The following CRTAC1 variants were observed in gnomAD, a reference collection of about 807,000 sequenced individuals.
The protein encoded by CRTAC1 is cartilage acidic protein 1.
Under a neutral mutation model 67.8 loss-of-function variants are expected in CRTAC1, and 37 were observed. The ratio of observed to expected loss-of-function variants is 0.55; its 90% CI spans 0.42 to 0.72. The LOEUF (loss-of-function observed/expected upper bound fraction) is 0.72, where lower values mean the gene tolerates loss of function less well. CRTAC1 is among the 30% of genes least tolerant of loss of function. The pLI, the probability that CRTAC1 is intolerant of heterozygous loss-of-function variation, is 0.00. For synonymous variants in CRTAC1, 348 were observed against 371.0 expected (o/e 0.94, Z 0.71); for missense variants, 780 against 931.6 (o/e 0.84, Z 2.12).
intron 2 of CRTAC1, among the ~76,000 whole-genome samples, chr10:97,947,778 G>A (rs2051287286): frequency 6.6e-6 from 1 of 152,176 alleles, no homozygotes; most frequent in Non-Finnish European, 1.5e-5. Context: ...TCTGGGTCAG[G>A]TATGGTGGCT....
intron 2 of CRTAC1, among the ~76,000 whole-genome samples, chr10:97,948,072 T>C (rs2051292788): frequency 1.4e-5 from 2 of 146,166 alleles, no homozygotes. Flanking sequence ...TGCAGAATAA[T>C]GGCAATTGGA....
intron 2 of CRTAC1, among the ~76,000 whole-genome samples, chr10:97,946,491 C>T (rs969570709): frequency 6.6e-6 from 1 of 152,150 alleles, no homozygotes; most frequent in Non-Finnish European, 1.5e-5. Flanking sequence ...TAAAAAACCC[C>T]AGAAAAGAGC....
At chr10:97,880,189 A>G (rs2050193209) in intron 14 of CRTAC1, 60 bp downstream of exon 14, 2 of 1,582,932 alleles carry the variant, frequency 1.3e-6, no homozygotes, top group South Asian at 2.2e-5. Context: ...GCCTACCCAG[A>G]GCTCCCCAGT....
At position 98,021,987 on chromosome 10, in the gene CRTAC1, G is replaced by C. The variant is rs555809664; in HGVS notation, c.24+8462C>G. ...ACGTTAGAAATGATGAAAAAGACGT[G>C]GTCCCTGACCTCAAGGAGCTTACAA... On this transcript the variant is annotated intron_variant, in intron 1 of 14. Transcript: ENST00000370597. Among the ~76,000 whole-genome samples, 21 of 152,262 alleles carry C rather than the reference G, an allele frequency of 1.4e-4. No individual in the cohort carries two copies. The East Asian group carries it at 3.3e-3, about 24-fold the overall frequency.
chr10:97,884,335 G>C lies in CRTAC1; in HGVS notation c.1503C>G (p.Ser501Arg). 6.4e-7 allele frequency: 1 copy of C among 1,551,658 alleles called. No homozygotes were observed. Among genetic ancestry groups the C allele is most frequent in the South Asian group, 1.2e-5 (1 of 84,056 alleles). The stretch of plus-strand genomic sequence containing the variant: ...CATCTGGCCACGTCACCTCCACACT[G>C]CTGGCTTCATCCTTCCCTGAGGGGC... ...AHFGLGKDEA[S>R]SVEVTWPDGK... Residue 501 changes from serine (S) to arginine (R), a missense_variant, in exon 12 of 15, where the codon AGC (serine) becomes AGG (arginine). Coordinates refer to ENST00000370597, the MANE Select transcript of CRTAC1 (RefSeq NM_018058.7).
In CRTAC1 at chr10:98,029,535, C is replaced by T. The variant is rs1471221805; in HGVS notation, c.24+914G>A. Among the ~76,000 whole-genome samples, 3 of 151,450 alleles carry T rather than the reference C, an allele frequency of 2.0e-5. No individual in the cohort carries two copies. Among genetic ancestry groups the T allele is most frequent in the Non-Finnish European group, 4.4e-5 (3 of 67,930 alleles). The stretch of plus-strand genomic sequence containing the variant: ...GCGGCGGCGGCGGCGGCGGCAGCAG[C>T]AGCAATATTCATTAGTCATTCCTGG... On this transcript the variant is annotated intron_variant, in intron 1 of 14. Coordinates refer to ENST00000370597, the MANE Select transcript of CRTAC1 (RefSeq NM_018058.7). The surrounding 1 kb of genome is among the most constrained non-coding windows in gnomAD (Gnocchi z 4.7).
At chr10:97,886,649 C>CAT (rs72108975) in intron 11 of CRTAC1, among the ~76,000 whole-genome samples, 2 of 141,880 alleles carry the variant, frequency 1.4e-5, no homozygotes, top group African/African-American at 5.2e-5. Flanking sequence ...TTTCTTTTTT[C>CAT]TTTTTTTTTT....
chr10:97,942,336 A>T (rs917364855), intron 2 of CRTAC1, among the ~76,000 whole-genome samples: 9 of 152,194 alleles, frequency 5.9e-5, no homozygotes, highest in African/African-American at 1.7e-4. Context: ...AGGTACAAAG[A>T]GCTGAACAAA....
intron 2 of CRTAC1, among the ~76,000 whole-genome samples, chr10:97,937,079 T>C (rs955674013): frequency 1.3e-5 from 2 of 152,200 alleles, no homozygotes; most frequent in African/African-American, 4.8e-5. Flanking sequence ...CTAAAGTTAT[T>C]AGACAGACCT....
At chr10:98,011,080 G>T in intron 2 of CRTAC1, 58 bp downstream of exon 2, 1 of 1,472,660 alleles carries the variant, frequency 6.8e-7, no homozygotes, top group Non-Finnish European at 9.5e-7. Context: ...TTGTTACACA[G>T]CCTTATTACA....
chr10:97,923,202 G>A, intron 4 of CRTAC1, 62 bp downstream of exon 4: 1 of 1,602,360 alleles, frequency 6.2e-7, no homozygotes, highest in Non-Finnish European at 8.5e-7. Context: ...CGTCTACACA[G>A]TGGCTCCTCT....
At chr10:98,020,145 C>G (rs1241879627) in intron 1 of CRTAC1, among the ~76,000 whole-genome samples, 1 of 152,204 alleles carries the variant, frequency 6.6e-6, no homozygotes, top group Non-Finnish European at 1.5e-5. Context: ...TCTCTCCTCT[C>G]CCCTCCTCCC....
chr10:97,995,288 C>T (rs1480923178), intron 2 of CRTAC1, among the ~76,000 whole-genome samples: 1 of 152,032 alleles, frequency 6.6e-6, no homozygotes, highest in Non-Finnish European at 1.5e-5. Flanking sequence ...ATGCTTCTCT[C>T]CCCCAACATA....
At chr10:97,881,708 G>T (rs961240750) in intron 13 of CRTAC1, among the ~76,000 whole-genome samples, 1 of 152,124 alleles carries the variant, frequency 6.6e-6, no homozygotes, top group Admixed American at 6.5e-5. Flanking sequence ...AGTGGGGCTG[G>T]GTGGGCATGT....
chr10:97,878,562 C>G, intron 14 of CRTAC1: 1 of 1,265,420 alleles, frequency 7.9e-7, no homozygotes, highest in Non-Finnish European at 1.0e-6. Context: ...TGTTTTATAA[C>G]AAGCCTTCAC....
intron 13 of CRTAC1, among the ~76,000 whole-genome samples, chr10:97,881,697 G>A (rs2050217011): frequency 6.6e-6 from 1 of 152,186 alleles, no homozygotes; most frequent in Admixed American, 6.5e-5. Flanking sequence ...TATGTGTTTG[G>A]AGTGGGGCTG....
chr10:97,874,862 G>A (rs751759971), intron 14 of CRTAC1, among the ~76,000 whole-genome samples: 1 of 152,106 alleles, frequency 6.6e-6, no homozygotes, highest in Non-Finnish European at 1.5e-5. Flanking sequence ...GGGCCTTCCC[G>A]GATGGCCTTG....
At chr10:98,008,456 C>T (rs1353637509) in intron 2 of CRTAC1, among the ~76,000 whole-genome samples, 1 of 151,722 alleles carries the variant, frequency 6.6e-6, no homozygotes, top group Admixed American at 6.6e-5. Flanking sequence ...GGGTCTCCTG[C>T]AACAGCCAGG....
chr10:97,880,223 T>C, intron 14 of CRTAC1, 26 bp downstream of exon 14: 2 of 1,610,822 alleles, frequency 1.2e-6, no homozygotes, highest in Non-Finnish European at 1.7e-6. Flanking sequence ...CTTTTGCTAC[T>C]GGCCTATGGC....
Sources: gnomAD v4.1 joint callset for allele counts (sites outside exome capture counted in the v4.1 genomes callset) on GRCh38, gnomAD v4.1.1 for gene constraint, Gnocchi (gnomAD v3.1) non-coding constraint, MANE v1.5 for transcripts, NCBI Gene and HGNC (gene_info 2026-07-23, HGNC 2026-07-21) for gene names.